NKAIN2: variants seen among roughly 807,000 people sequenced by gnomAD.
The protein encoded by NKAIN2 is sodium/potassium transporting ATPase interacting 2.
In NKAIN2, 14 loss-of-function variants were observed where a neutral mutation model predicts 32.6. That is an observed-to-expected ratio of 0.43 (90% confidence interval 0.28 to 0.67). The LOEUF (loss-of-function observed/expected upper bound fraction) is 0.67. NKAIN2 is among the 30% of genes least tolerant of loss of function. The pLI is 0.17. For missense variants in NKAIN2, 198 were observed against 258.3 expected (o/e 0.77, Z 1.60); for synonymous variants, 80 against 87.2 (o/e 0.92, Z 0.46).
rs141717575 is a variant in NKAIN2 at position 124,059,658 on chromosome 6, G to T, written c.55-223347G>T. Among the ~76,000 whole-genome samples, 1,206 of 152,228 alleles carry T rather than the reference G, an allele frequency of 7.9e-3. 14 individuals carry two copies. The highest frequency in any genetic ancestry group is 0.028 in the African/African-American group (1,147 of 41,538). Reference sequence around the variant, plus strand: ...GTTGTATTATTGCCACTCCTTTTGTGTCGAGTGCTTCAGAGGTTCCATCCA... The same window carrying T: ...GTTGTATTATTGCCACTCCTTTTGTTTCGAGTGCTTCAGAGGTTCCATCCA... On this transcript the variant is annotated intron_variant, in intron 1 of 6. Transcript: ENST00000368417.
chr6:124,070,437 G>A (rs1004985736), intron 1 of NKAIN2, among the ~76,000 whole-genome samples: 3 of 152,156 alleles, frequency 2.0e-5, no homozygotes, highest in African/African-American at 7.2e-5. Flanking sequence ...GGTTATACTT[G>A]GATAGAAACA....
chr6:123,883,436 C>T (rs1773550749), intron 1 of NKAIN2, among the ~76,000 whole-genome samples: 1 of 150,618 alleles, frequency 6.6e-6, no homozygotes, highest in Admixed American at 6.6e-5. Flanking sequence ...TGAGCCACTG[C>T]ACCCGGCGTG....
chr6:123,864,632 G>A (rs1582674426), intron 1 of NKAIN2, among the ~76,000 whole-genome samples: 1 of 152,144 alleles, frequency 6.6e-6, no homozygotes, highest in Non-Finnish European at 1.5e-5. Context: ...TTAAATGAGC[G>A]AGGGAACCAT....
At chr6:123,994,843 C>A (rs1210483612) in intron 1 of NKAIN2, among the ~76,000 whole-genome samples, 1 of 152,072 alleles carries the variant, frequency 6.6e-6, no homozygotes, top group East Asian at 1.9e-4. Context: ...AATTTAAAAG[C>A]AGTGAATTGC....
intron 1 of NKAIN2, among the ~76,000 whole-genome samples, chr6:123,806,517 A>T (rs112406457): frequency 6.6e-6 from 1 of 152,066 alleles, no homozygotes; most frequent in African/African-American, 2.4e-5. Context: ...GCAAATTAAT[A>T]GTTGCAAAGC....
At chr6:124,801,980 G>A (rs1038874661) in intron 5 of NKAIN2, among the ~76,000 whole-genome samples, 3 of 152,128 alleles carry the variant, frequency 2.0e-5, no homozygotes, top group African/African-American at 7.2e-5. Flanking sequence ...TCTAGTTTCA[G>A]CTTTCCCAAA....
chr6:124,238,377 G>C (rs1469206883), intron 1 of NKAIN2, among the ~76,000 whole-genome samples: 1 of 152,096 alleles, frequency 6.6e-6, no homozygotes, highest in Non-Finnish European at 1.5e-5. Flanking sequence ...GAGAAACAAG[G>C]CTAAAATAGG....
chr6:124,629,521 C>T (rs933573681), intron 3 of NKAIN2, among the ~76,000 whole-genome samples: 2 of 152,072 alleles, frequency 1.3e-5, no homozygotes, highest in African/African-American at 2.4e-5. Flanking sequence ...AATAATTTAT[C>T]GATGCACACA....
At chr6:124,526,334 T>C (rs1318883431) in intron 3 of NKAIN2, among the ~76,000 whole-genome samples, 1 of 152,190 alleles carries the variant, frequency 6.6e-6, no homozygotes, top group East Asian at 1.9e-4. Flanking sequence ...AAGAAGCACT[T>C]AAAAAGCCTT....
intron 1 of NKAIN2, among the ~76,000 whole-genome samples, chr6:123,908,704 T>A (rs924645269): frequency 6.6e-6 from 1 of 152,230 alleles, no homozygotes; most frequent in African/African-American, 2.4e-5. Context: ...GTACTGTTTA[T>A]CTGACTCATG....
intron 1 of NKAIN2, among the ~76,000 whole-genome samples, chr6:123,923,615 A>G (rs1775864142): frequency 4.0e-5 from 6 of 151,826 alleles, no homozygotes; most frequent in Admixed American, 3.9e-4. Flanking sequence ...GCAGCCATAA[A>G]AAATGATGAG....
intron 4 of NKAIN2, among the ~76,000 whole-genome samples, chr6:124,767,210 T>C (rs1474373457): frequency 1.3e-5 from 2 of 152,000 alleles, no homozygotes; most frequent in Non-Finnish European, 2.9e-5. Flanking sequence ...TTCTCTTTCT[T>C]AGCTTTTCTG....
intron 3 of NKAIN2, among the ~76,000 whole-genome samples, chr6:124,628,676 T>G (rs1172375201): frequency 2.6e-5 from 4 of 151,992 alleles, no homozygotes; most frequent in Admixed American, 1.3e-4. Context: ...AAATTCAGCA[T>G]TCCTCAAAAG....
At position 124,340,722 on chromosome 6, in the gene NKAIN2, G is replaced by A. The variant is rs544665920; in HGVS notation, c.193-14545G>A. Among the ~76,000 whole-genome samples, 7 of 152,146 alleles carry A rather than the reference G, an allele frequency of 4.6e-5. No individual in the cohort carries two copies. In the South Asian group the frequency reaches 1.2e-3, roughly 27 times the overall value. On this transcript the variant is annotated intron_variant, in intron 2 of 6. Coordinates refer to ENST00000368417, the MANE Select transcript of NKAIN2 (RefSeq NM_001040214.3). ...TCACCAGTTTTTATGTTTTGTTAAC[G>A]TTCAAGTTTCTAATTTATTTACATA... is the stretch of plus-strand genomic sequence containing the variant.
rs539151013 is a variant in NKAIN2 at position 124,575,105 on chromosome 6, G to T, written c.274-83081G>T. Among the ~76,000 whole-genome samples, 69 of 152,242 alleles carry T rather than the reference G, an allele frequency of 4.5e-4. 2 individuals carry two copies. The South Asian group carries it at 0.014, about 31-fold the overall frequency. ...AATCTCAAAATTCTTTTTCTGAAAAGAATCAAGGAAAGCAACTTCCTTTTG... is the reference window on the plus strand; with the variant it reads ...AATCTCAAAATTCTTTTTCTGAAAATAATCAAGGAAAGCAACTTCCTTTTG... On this transcript the variant is annotated intron_variant, in intron 3 of 6. Coordinates refer to ENST00000368417, the MANE Select transcript of NKAIN2 (RefSeq NM_001040214.3).
At chr6:124,721,132 G>A (rs1164950343) in intron 4 of NKAIN2, among the ~76,000 whole-genome samples, 3 of 152,258 alleles carry the variant, frequency 2.0e-5, no homozygotes, top group Admixed American at 6.5e-5. Context: ...AATATGAAAC[G>A]TTGGCCGGGC....
At chr6:123,839,629 C>T (rs575686612) in intron 1 of NKAIN2, among the ~76,000 whole-genome samples, 13 of 152,310 alleles carry the variant, frequency 8.5e-5, no homozygotes, top group African/African-American at 2.6e-4. Flanking sequence ...CTCTCTCCCA[C>T]CTACTTTTTC....
At chr6:124,118,107 A>G (rs1436871645) in intron 1 of NKAIN2, among the ~76,000 whole-genome samples, 3 of 152,142 alleles carry the variant, frequency 2.0e-5, no homozygotes, top group East Asian at 3.9e-4. Flanking sequence ...CCCTGGGGAT[A>G]AGGCATGATG....
chr6:124,691,722 G>A (rs1774262067), intron 4 of NKAIN2, among the ~76,000 whole-genome samples: 1 of 152,108 alleles, frequency 6.6e-6, no homozygotes, highest in African/African-American at 2.4e-5. Flanking sequence ...AGAAAAAAAT[G>A]ACCTATTTGA....
Sources: gnomAD v4.1 joint callset for allele counts (sites outside exome capture counted in the v4.1 genomes callset) on GRCh38, gnomAD v4.1.1 for gene constraint, MANE v1.5 for transcripts, NCBI Gene and HGNC (gene_info 2026-07-23, HGNC 2026-07-21) for gene names.